LUC7L2: variants seen among roughly 807,000 people sequenced by gnomAD.
LUC7L2 encodes the protein LUC7 like 2, pre-mRNA splicing factor.
In LUC7L2, 25 loss-of-function variants were observed where a neutral mutation model predicts 52.8. The ratio of observed to expected loss-of-function variants is 0.47; its 90% confidence interval spans 0.34 to 0.66. LUC7L2 has a LOEUF of 0.66. Ranked by LOEUF, LUC7L2 falls within the 30% of genes least tolerant of loss-of-function variation. The pLI is 0.01. For missense variants in LUC7L2, 328 were observed against 497.8 expected, an observed-to-expected ratio of 0.66 and a Z score of 3.25; for synonymous variants, 144 against 160.9, an observed-to-expected ratio of 0.89 and a Z score of 0.80.
chr7:139,375,117 G>A (rs1174229164), intron 1 of LUC7L2: 1 of 983,932 alleles, frequency 1.0e-6, no homozygotes, highest in Non-Finnish European at 1.2e-6. Flanking sequence ...ACATCCTAAT[G>A]AGTTTTTTCT....
upstream of LUC7L2, among the ~76,000 whole-genome samples, chr7:139,355,324 C>T (rs747813424): frequency 2.4e-4 from 37 of 151,842 alleles, no homozygotes; most frequent in Non-Finnish European, 4.6e-4. Flanking sequence ...ATATCCTATA[C>T]TTAGGGCTTA....
chr7:139,354,737 GAAAA>G (rs756558337), intron 1 of LUC7L2, among the ~76,000 whole-genome samples: 31 of 151,996 alleles, frequency 2.0e-4, no homozygotes, highest in Non-Finnish European at 3.5e-4. Flanking sequence ...AGGACTGAGA[GAAAA>G]AAAGTTTTGG....
In LUC7L2 at chr7:139,360,274, G is replaced by A; in HGVS notation, c.13G>A (p.Ala5Thr). The A allele has an allele frequency of 1.9e-6, 3 of 1,566,088 alleles. No homozygotes were observed. The highest frequency in any genetic ancestry group is 2.6e-6 in the Non-Finnish European group (3 of 1,156,712). The change falls in exon 1 of 10, where the codon GCC (alanine) becomes ACC (threonine). Residue 5 changes from alanine to threonine, a missense_variant. Ala to Thr is a moderately conservative substitution (Grantham distance 58). Around this residue, in one of 2 missense-constraint regions of LUC7L2, gnomAD observed 133 missense variants for 274.4 expected, o/e 0.48. Coordinates refer to ENST00000354926, the MANE Select transcript of LUC7L2 (RefSeq NM_016019.5). ...CTACGCCGCCGCCATGTCGGCGCAG[G>A]CCCAGATGCGCGCGATGCTGGACCA... MSAQ[A>T]QMRAMLDQLM...
intron 1 of LUC7L2, among the ~76,000 whole-genome samples, chr7:139,344,102 G>A (rs1799140274): frequency 6.6e-6 from 1 of 152,064 alleles, no homozygotes; most frequent in African/African-American, 2.4e-5. Context: ...TAAAGAGGGT[G>A]CAGTGAATCT....
intron 4 of LUC7L2, among the ~76,000 whole-genome samples, chr7:139,403,680 C>G (rs1156288980): frequency 1.3e-5 from 2 of 152,162 alleles, no homozygotes; most frequent in African/African-American, 4.8e-5. Context: ...AACAAACCAC[C>G]TCAAAGCTCA....
intron 4 of LUC7L2, among the ~76,000 whole-genome samples, chr7:139,404,456 C>T (rs1000355744): frequency 2.0e-5 from 3 of 152,206 alleles, no homozygotes; most frequent in African/African-American, 7.2e-5. Context: ...TTGTAGTGAA[C>T]TGAAATCATG....
intron 1 of LUC7L2, among the ~76,000 whole-genome samples, chr7:139,349,891 C>G (rs1799396769): frequency 6.6e-6 from 1 of 152,122 alleles, no homozygotes; most frequent in Admixed American, 6.6e-5. Flanking sequence ...ATGAATACAC[C>G]TGTGTCATAA....
chr7:139,399,758 G>A (rs916104353), intron 3 of LUC7L2, among the ~76,000 whole-genome samples: 4 of 151,850 alleles, frequency 2.6e-5, no homozygotes, highest in Admixed American at 6.6e-5. Context: ...CGTGAGCCAC[G>A]GCACCCGGCC....
At position 139,343,714 on chromosome 7, in the gene LUC7L2, C is replaced by T. The variant is rs116608692; in HGVS notation, c.-26+3197C>T. On this transcript the variant is annotated intron_variant, in intron 1 of 10. Transcript: ENST00000541170. The stretch of plus-strand genomic sequence containing the variant: ...CTCTGGGAGGAGGCGGCAGGTGGAT[C>T]GCTTGTGCCCAGGAGTTCACGACCA... 9.7e-3 allele frequency among the ~76,000 whole-genome samples: 1,471 copies of T among 152,170 alleles called. 29 individuals carry two copies. The highest frequency in any genetic ancestry group is 0.033 in the African/African-American group (1,373 of 41,514).
intron 2 of LUC7L2, among the ~76,000 whole-genome samples, chr7:139,382,617 T>C (rs1057119984): frequency 6.6e-6 from 1 of 152,160 alleles, no homozygotes; most frequent in Non-Finnish European, 1.5e-5. Flanking sequence ...GGTCTCACAC[T>C]CCTGGGCTCT....
At chr7:139,383,223 C>G (rs1323744668) in intron 2 of LUC7L2, among the ~76,000 whole-genome samples, 1 of 152,052 alleles carries the variant, frequency 6.6e-6, no homozygotes, top group African/African-American at 2.4e-5. Flanking sequence ...TCAAGCAATT[C>G]TCCCACCTCA....
chr7:139,361,369 A>AT (rs1405331891), intron 1 of LUC7L2, among the ~76,000 whole-genome samples: 1 of 152,218 alleles, frequency 6.6e-6, no homozygotes, highest in Non-Finnish European at 1.5e-5. Context: ...AAGTGTATTG[A>AT]TTTAAGAGAA....
chr7:139,343,274 A>G (rs2131139003), intron 1 of LUC7L2, among the ~76,000 whole-genome samples: 1 of 152,366 alleles, frequency 6.6e-6, no homozygotes, highest in South Asian at 2.1e-4. Flanking sequence ...AATTTAAATT[A>G]CTAAAAAGTT....
At chr7:139,356,274 C>T (rs963871585), upstream of LUC7L2, among the ~76,000 whole-genome samples, 19 of 141,390 alleles carry the variant, frequency 1.3e-4, no homozygotes, top group African/African-American at 4.8e-4. Context: ...GAGATCTCGC[C>T]ACTGCACTCC....
Position 139,360,058 on chromosome 7 carries a change from T to TGTCGTCTTCCACGTACAC in LUC7L2, c.-197_-180dup, listed in dbSNP as rs1799782024. The TGTCGTCTTCCACGTACAC allele has an allele frequency of 1.8e-6, 1 of 540,702 alleles. No individual in the cohort carries two copies. Among genetic ancestry groups the TGTCGTCTTCCACGTACAC allele is most frequent in the African/African-American group, 2.0e-5 (1 of 49,580 alleles). 33.5% of individuals were successfully genotyped at this position (540,702 alleles called of 1,614,324 possible). On this transcript the variant is annotated 5_prime_UTR_variant, in exon 1 of 10. Coordinates refer to ENST00000354926, the MANE Select transcript of LUC7L2 (RefSeq NM_016019.5). The stretch of plus-strand genomic sequence containing the variant: ...GGGCACGAGGGTCGCTGTCGGGGGC[T>TGTCGTCTTCCACGTACAC]GTCGTCTTCCACGTACACGTCGTCG...
rs71169090 is a variant in LUC7L2, at chr7:139,399,449, A to ATTTTTTTTT, written c.255+782_255+790dup. On this transcript the variant is annotated intron_variant, in intron 3 of 9. Transcript: ENST00000354926. ...GGACATGCATATGGGTGTTTGGGGG[A>ATTTTTTTTT]TTTTTTTTTTTTTTTTTTTTTTTTT... is the stretch of plus-strand genomic sequence containing the variant. 1.5e-3 allele frequency among the ~76,000 whole-genome samples: 77 copies of ATTTTTTTTT among 50,458 alleles called. 11 individuals carry two copies. Among genetic ancestry groups the ATTTTTTTTT allele is most frequent in the Non-Finnish European group, 2.3e-3 (59 of 26,116 alleles). 33.1% of individuals were successfully genotyped at this position (50,458 alleles called of 152,430 possible). A position where few individuals can be genotyped will look rare whatever the true frequency, so the allele number is the denominator to read the frequency against.
chr7:139,416,841 T>C (rs1241467149), intron 8 of LUC7L2: 1 of 152,228 alleles, frequency 6.6e-6, no homozygotes, highest in Non-Finnish European at 1.5e-5. Context: ...TCTTCCCTTC[T>C]GTCCAGGTCT....
intron 3 of LUC7L2, among the ~76,000 whole-genome samples, chr7:139,400,458 G>GATC (rs1185905567): frequency 6.6e-6 from 1 of 152,186 alleles, no homozygotes; most frequent in Non-Finnish European, 1.5e-5. Flanking sequence ...AGTGAGCCTA[G>GATC]ATCATGCCAC....
At chr7:139,397,123 A>G (rs987288611) in intron 2 of LUC7L2, among the ~76,000 whole-genome samples, 3 of 152,196 alleles carry the variant, frequency 2.0e-5, no homozygotes, top group African/African-American at 4.8e-5. Context: ...GCCATACTCT[A>G]TTCCTGTTCC....
Sources: gnomAD v4.1 joint callset for allele counts (sites outside exome capture counted in the v4.1 genomes callset) on GRCh38, gnomAD v4.1.1 for gene constraint, gnomAD v4.1.1 regional missense constraint, MANE v1.5 for transcripts, NCBI Gene and HGNC (gene_info 2026-07-23, HGNC 2026-07-21) for gene names.